Variants in CCDC60 observed in about 807,000 individuals in gnomAD.
The protein encoded by CCDC60 is coiled-coil domain-containing protein 60.
A neutral mutation model predicts 63.5 loss-of-function variants in CCDC60; 54 were observed. The ratio of observed to expected loss-of-function variants is 0.85; its 90% CI spans 0.68 to 1.07. CCDC60 has a LOEUF of 1.07. CCDC60 is among the 50% of genes least tolerant of loss of function. CCDC60 has a pLI of 0.00. For synonymous variants in CCDC60, 206 were observed against 238.8 expected, an observed-to-expected ratio of 0.86 and a Z score of 1.27; for missense variants, 651 against 684.3, an observed-to-expected ratio of 0.95 and a Z score of 0.54.
At chr12:119,507,834 C>G (rs1214184546) in intron 7 of CCDC60, among the ~76,000 whole-genome samples, 3 of 151,362 alleles carry the variant, frequency 2.0e-5, no homozygotes, top group Non-Finnish European at 2.9e-5. Context: ...GAGTACCTGC[C>G]CTTCCCAAAC....
At chr12:119,506,383 G>A (rs553693801) in intron 7 of CCDC60, among the ~76,000 whole-genome samples, 3 of 147,906 alleles carry the variant, frequency 2.0e-5, no homozygotes, top group Non-Finnish European at 4.4e-5. Context: ...TGGGCAGATC[G>A]CTTGAGTTCA....
At chr12:119,453,521 C>T (rs1235194201) in intron 2 of CCDC60, among the ~76,000 whole-genome samples, 4 of 152,240 alleles carry the variant, frequency 2.6e-5, no homozygotes, top group African/African-American at 9.6e-5. Context: ...ACCACTGGCA[C>T]AGTGGACTCA....
intron 1 of CCDC60, among the ~76,000 whole-genome samples, chr12:119,373,667 T>TGGGG (rs57046909): frequency 5.2e-4 from 28 of 54,038 alleles, no homozygotes; most frequent in African/African-American, 7.5e-4. Flanking sequence ...CGGGGTGGGG[T>TGGGG]GGGGGGGGGT....
rs377075044 is a variant in CCDC60, at chr12:119,479,149, T to C, written c.397T>C (p.Phe133Leu). 2.7e-5 allele frequency: 44 copies of C among 1,614,090 alleles called. No homozygotes were observed. The Admixed American group carries it at 3.3e-4, about 12-fold the overall frequency. Residue 133 changes from phenylalanine (F) to leucine (L), a missense_variant, in exon 4 of 14, where the codon TTC (phenylalanine) becomes CTC (leucine). Phe to Leu is a conservative substitution (Grantham distance 22). Coordinates refer to ENST00000327554, the MANE Select transcript of CCDC60 (RefSeq NM_178499.5). ...GGGAGCTAGAGTCACACGTCGCCCA[T>C]TCACTCCCATCCACAGCTGCATCAT... is the stretch of plus-strand genomic sequence containing the variant. Reference protein sequence around the residue: ...TLGARVTRRPFTPIHSCIISP... With the variant: ...TLGARVTRRPLTPIHSCIISP...
Position 119,334,885 on chromosome 12 carries a change from G to T in CCDC60, c.-292G>T. On this transcript the variant is annotated 5_prime_UTR_variant, in exon 1 of 14. Transcript: ENST00000327554. Reference sequence around the variant, plus strand: ...TTTTATTTTGCTTATAGAAGAGAAAGATATCCCTTCCGAAGAGGAGGAAGC... The same window carrying T: ...TTTTATTTTGCTTATAGAAGAGAAATATATCCCTTCCGAAGAGGAGGAAGC... 3.4e-6 allele frequency: 1 copy of T among 293,474 alleles called. No individual in the cohort carries two copies. Among genetic ancestry groups the T allele is most frequent in the Non-Finnish European group, 6.2e-6 (1 of 160,462 alleles). 18.2% of individuals were successfully genotyped at this position (293,474 alleles called of 1,614,324 possible). A position where few individuals can be genotyped will look rare whatever the true frequency, so the allele number is the denominator to read the frequency against.
At chr12:119,376,956 C>T (rs562070233) in intron 1 of CCDC60, among the ~76,000 whole-genome samples, 26 of 152,118 alleles carry the variant, frequency 1.7e-4, no homozygotes, top group Admixed American at 3.3e-4. Flanking sequence ...AGACTAAGCC[C>T]TCAATATTCC....
intron 1 of CCDC60, among the ~76,000 whole-genome samples, chr12:119,394,435 C>G (rs1449909578): frequency 6.6e-6 from 1 of 152,220 alleles, no homozygotes; most frequent in Non-Finnish European, 1.5e-5. Context: ...TTAGCGTCCA[C>G]CCACCATGTG....
chr12:119,367,987 G>T (rs1955857599), intron 1 of CCDC60, among the ~76,000 whole-genome samples: 1 of 150,424 alleles, frequency 6.6e-6, no homozygotes, highest in Non-Finnish European at 1.5e-5. Context: ...AAAAACTTTT[G>T]AACTGTACAC....
intron 1 of CCDC60, among the ~76,000 whole-genome samples, chr12:119,398,084 G>A (rs1335241780): frequency 4.7e-5 from 5 of 105,864 alleles, no homozygotes; most frequent in Non-Finnish European, 1.0e-4. Context: ...AAGGGGCCGC[G>A]GGGGGAGGAA....
intron 4 of CCDC60, among the ~76,000 whole-genome samples, chr12:119,480,368 C>T (rs532870952): frequency 6.6e-6 from 1 of 152,188 alleles, no homozygotes; most frequent in Non-Finnish European, 1.5e-5. Context: ...CTTTCATCAC[C>T]ACACACTACA....
chr12:119,536,339 G>A (rs1217398785), intron 13 of CCDC60, among the ~76,000 whole-genome samples: 2 of 152,162 alleles, frequency 1.3e-5, no homozygotes, highest in Non-Finnish European at 1.5e-5. Context: ...ACTGAATACA[G>A]CATAGTGATG....
intron 4 of CCDC60, among the ~76,000 whole-genome samples, chr12:119,482,025 A>ATAGTATATATATGTATATG (rs1951335503): frequency 6.8e-6 from 1 of 146,414 alleles, no homozygotes; most frequent in African/African-American, 2.5e-5. Context: ...ATATGTATAT[A>ATAGTATATATATGTATATG]TGTGTGTATA....
chr12:119,360,632 G>A (rs1024919137), intron 1 of CCDC60, among the ~76,000 whole-genome samples: 4 of 151,686 alleles, frequency 2.6e-5, no homozygotes, highest in East Asian at 2.0e-4. Context: ...GGGCAGAGGC[G>A]TTCCCCACAT....
intron 1 of CCDC60, among the ~76,000 whole-genome samples, chr12:119,370,043 A>G (rs79701006): frequency 0.011 from 1,709 of 152,318 alleles, 30 homozygotes; most frequent in African/African-American, 0.039. Flanking sequence ...AAACACAAGA[A>G]GAGACCAGGC....
intron 1 of CCDC60, among the ~76,000 whole-genome samples, chr12:119,360,541 G>A (rs572689002): frequency 1.6e-3 from 235 of 149,786 alleles, no homozygotes; most frequent in Non-Finnish European, 2.6e-3. Flanking sequence ...CAGACGGGGC[G>A]GCCGGGCGGA....
At chr12:119,340,874 T>A (rs915822077) in intron 1 of CCDC60, among the ~76,000 whole-genome samples, 5 of 152,198 alleles carry the variant, frequency 3.3e-5, no homozygotes, top group African/African-American at 1.2e-4. Flanking sequence ...GAATCACTGA[T>A]TACCCTGAAA....
intron 5 of CCDC60, among the ~76,000 whole-genome samples, chr12:119,497,448 G>C (rs1001254101): frequency 6.6e-6 from 1 of 152,158 alleles, no homozygotes; most frequent in African/African-American, 2.4e-5. Flanking sequence ...CAAGAGCAAG[G>C]GCTCCGAGCT....
rs1232194303 is a variant in CCDC60, at chr12:119,344,855, T to TCTCACACA, written c.90+9590_90+9591insTCACACAC. 9.1e-3 allele frequency among the ~76,000 whole-genome samples: 1,040 copies of TCTCACACA among 114,852 alleles called. 7 individuals are homozygous for TCTCACACA. Among genetic ancestry groups the TCTCACACA allele is most frequent in the Admixed American group, 0.024 (250 of 10,276 alleles). 75.3% of individuals were successfully genotyped at this position (114,852 alleles called of 152,430 possible). ...CTCTCTTTCTCTCTCTCTCTCTCTC[T>TCTCACACA]CACACACACACACACACACACACAC... On this transcript the variant is annotated intron_variant, in intron 1 of 13. Coordinates refer to ENST00000327554, the MANE Select transcript of CCDC60 (RefSeq NM_178499.5).
intron 1 of CCDC60, among the ~76,000 whole-genome samples, chr12:119,366,498 G>A (rs1272055057): frequency 6.6e-6 from 1 of 152,196 alleles, no homozygotes; most frequent in Admixed American, 6.5e-5. Flanking sequence ...GGAGCAAGGT[G>A]GAGATGGGAT....
Sources: allele counts gnomAD v4.1 joint callset (sites outside exome capture counted in the v4.1 genomes callset), GRCh38; gene constraint gnomAD v4.1.1; transcripts MANE v1.5; gene names NCBI Gene and HGNC (gene_info 2026-07-23, HGNC 2026-07-21).